CNTNAP4: variants seen among roughly 807,000 people sequenced by gnomAD.
The protein encoded by CNTNAP4 is contactin-associated protein-like 4.
In CNTNAP4, 98 loss-of-function variants were observed where a neutral mutation model predicts 148.4. The ratio of observed to expected loss-of-function variants is 0.66; its 90% CI spans 0.56 to 0.78. The LOEUF is 0.78. CNTNAP4 is among the 30% of genes least tolerant of loss of function. CNTNAP4 has a pLI of 0.00. For synonymous variants in CNTNAP4, 730 were observed against 565.1 expected, an observed-to-expected ratio of 1.29 and a Z score of -4.14; for missense variants, 1,935 against 1,565.6, an observed-to-expected ratio of 1.24 and a Z score of -3.98.
chr16:76,363,745 A>T (rs2144567722), intron 3 of CNTNAP4, among the ~76,000 whole-genome samples: 1 of 152,294 alleles, frequency 6.6e-6, no homozygotes, highest in African/African-American at 2.4e-5. Flanking sequence ...TCTGATAGGG[A>T]GTTAGTATTA....
At chr16:76,370,123 C>A (rs1326299064) in intron 3 of CNTNAP4, among the ~76,000 whole-genome samples, 1 of 152,054 alleles carries the variant, frequency 6.6e-6, no homozygotes, top group Non-Finnish European at 1.5e-5. Context: ...ACTTGTTATA[C>A]GATAATATCT....
intron 1 of CNTNAP4, among the ~76,000 whole-genome samples, chr16:76,293,483 C>G (rs761419333): frequency 1.3e-5 from 2 of 152,052 alleles, no homozygotes; most frequent in Non-Finnish European, 2.9e-5. Context: ...TAGTTTTCTT[C>G]CTATCTACCT....
At chr16:76,465,890 T>A (rs2081161732) in intron 9 of CNTNAP4, among the ~76,000 whole-genome samples, 1 of 152,228 alleles carries the variant, frequency 6.6e-6, no homozygotes. Flanking sequence ...AATGCTGTCC[T>A]TTACTTGCCA....
chr16:76,344,108 C>T (rs1964712476), intron 2 of CNTNAP4, among the ~76,000 whole-genome samples: 1 of 152,126 alleles, frequency 6.6e-6, no homozygotes, highest in South Asian at 2.1e-4. Context: ...TTGCATACCA[C>T]CCTATCAGTC....
intron 4 of CNTNAP4, among the ~76,000 whole-genome samples, chr16:76,446,076 T>C (rs572984462): frequency 2.5e-5 from 1 of 40,264 alleles, no homozygotes; most frequent in East Asian, 7.4e-4. Flanking sequence ...ATAAGCACAT[T>C]AGCAAAATGT....
At chr16:76,484,982 T>G (rs186733092) in intron 12 of CNTNAP4, among the ~76,000 whole-genome samples, 1 of 152,356 alleles carries the variant, frequency 6.6e-6, no homozygotes, top group Admixed American at 6.5e-5. Context: ...AAAATCTCTA[T>G]TTTGAATGGA....
rs1237144169 is a variant in CNTNAP4 at position 76,559,378 on chromosome 16, G to A, written c.*695G>A. On this transcript the variant is annotated 3_prime_UTR_variant, in exon 24 of 24. Coordinates refer to ENST00000611870, the MANE Select transcript of CNTNAP4 (RefSeq NM_033401.5). ...TTTAACAAGACTCAGAAAGTGCAGT[G>A]GTTGTTAGTATGTAATGTCTTTCCT... is the stretch of plus-strand genomic sequence containing the variant. 6.6e-6 allele frequency: 1 copy of A among 151,808 alleles called. No individual in the cohort carries two copies. The highest frequency in any genetic ancestry group is 2.4e-5 in the African/African-American group (1 of 41,376). The allele number at this position is 151,808 out of a possible 1,614,324, so 9.4% of individuals were successfully genotyped here.
chr16:76,367,780 C>T (rs149747345), intron 3 of CNTNAP4, among the ~76,000 whole-genome samples: 120 of 152,238 alleles, frequency 7.9e-4, no homozygotes, highest in African/African-American at 2.3e-3. Flanking sequence ...TAGTGGGTGT[C>T]GCCACCACAC....
chr16:76,299,078 A>G (rs1959647787), intron 1 of CNTNAP4, among the ~76,000 whole-genome samples: 1 of 152,220 alleles, frequency 6.6e-6, no homozygotes, highest in Admixed American at 6.5e-5. Flanking sequence ...TATTCAGGAC[A>G]TAGGCATGGG....
At chr16:76,475,498 C>A (rs1052136093) in intron 10 of CNTNAP4, among the ~76,000 whole-genome samples, 3 of 152,208 alleles carry the variant, frequency 2.0e-5, no homozygotes, top group Non-Finnish European at 2.9e-5. Flanking sequence ...TATTCTCCTA[C>A]ATTCCTAGAA....
rs2082353862 is a variant in CNTNAP4 at position 76,495,032 on chromosome 16, T to C, written c.2203T>C (p.Tyr735His). The C allele has an allele frequency of 6.2e-7, 1 of 1,613,492 alleles. No individual in the cohort carries two copies. Residue 735 changes from tyrosine to histidine, a missense_variant, in exon 14 of 24, where the codon TAT becomes CAT. Transcript: ENST00000611870. ...AGAGGGAAACTGCATTGATTCTCAG[T>C]ATTACTGCAATTGTGATGCTGACCG... Reference protein sequence around the residue: ...GLEGNCIDSQYYCNCDADRNE... With the variant: ...GLEGNCIDSQHYCNCDADRNE...
At chr16:76,337,893 C>T in intron 2 of CNTNAP4, among the ~76,000 whole-genome samples, 1 of 152,156 alleles carries the variant, frequency 6.6e-6, no homozygotes, top group Non-Finnish European at 1.5e-5. Context: ...TCTGCCTGAC[C>T]CCGCAGGCAG....
At chr16:76,294,178 T>G (rs946173538) in intron 1 of CNTNAP4, among the ~76,000 whole-genome samples, 1 of 152,162 alleles carries the variant, frequency 6.6e-6, no homozygotes, top group African/African-American at 2.4e-5. Flanking sequence ...CGATGATAAA[T>G]GTGTCGCAAT....
At chr16:76,417,666 T>G (rs1172699988) in intron 3 of CNTNAP4, among the ~76,000 whole-genome samples, 1 of 151,654 alleles carries the variant, frequency 6.6e-6, no homozygotes, top group Non-Finnish European at 1.5e-5. Context: ...ATAAATGATC[T>G]TACTTCTTTT....
chr16:76,404,081 TTAAC>T (rs2144863935), intron 3 of CNTNAP4, among the ~76,000 whole-genome samples: 1 of 151,704 alleles, frequency 6.6e-6, no homozygotes, highest in East Asian at 2.0e-4. Context: ...AGCAGAAAAA[TTAAC>T]TATTGGGTAC....
At chr16:76,464,749 C>G (rs1452627160) in intron 9 of CNTNAP4, among the ~76,000 whole-genome samples, 1 of 152,198 alleles carries the variant, frequency 6.6e-6, no homozygotes, top group Admixed American at 6.5e-5. Flanking sequence ...GAACTAGCAG[C>G]ACTGTGTATA....
chr16:76,373,897 C>CAAAAAAAAAAA (rs71382634), intron 3 of CNTNAP4, among the ~76,000 whole-genome samples: 1 of 112,076 alleles, frequency 8.9e-6, no homozygotes, highest in Admixed American at 9.6e-5. Flanking sequence ...CTCCATCTCA[C>CAAAAAAAAAAA]AAAAAAAAAA....
chr16:76,406,839 G>C lies in CNTNAP4; in HGVS notation c.391-20613G>C, dbSNP rs367939255. On this transcript the variant is annotated intron_variant, in intron 3 of 23. Coordinates refer to ENST00000611870, the MANE Select transcript of CNTNAP4 (RefSeq NM_033401.5). ...GGTTGGTTCATGAGGTTCAAGAAAA[G>C]AGGCTGTCTCCATAACATAGAAGTA... Among the ~76,000 whole-genome samples the C allele has an allele frequency of 1.1e-3, 169 of 152,280 alleles. 3 individuals carry two copies. In the South Asian group the frequency reaches 0.021, roughly 19 times the overall value.
In CNTNAP4 at chr16:76,316,524, G is replaced by T; in HGVS notation, c.196+1G>T. The T allele has an allele frequency of 1.2e-6, 2 of 1,600,292 alleles. No individual in the cohort carries two copies. The highest frequency in any genetic ancestry group is 8.6e-7 in the Non-Finnish European group (1 of 1,167,540). On this transcript the variant is annotated splice_donor_variant, in intron 2 of 23. Transcript: ENST00000611870. LOFTEE classifies it high-confidence loss of function. ...TTTGCAAGGCTGAATAGAAGAGATGGTAAGTCTGCTTTTCTCCTCTGACTG... is the reference window on the plus strand; with the variant it reads ...TTTGCAAGGCTGAATAGAAGAGATGTTAAGTCTGCTTTTCTCCTCTGACTG...
Sources: allele counts gnomAD v4.1 joint callset (sites outside exome capture counted in the v4.1 genomes callset), GRCh38; gene constraint gnomAD v4.1.1; transcripts MANE v1.5; gene names NCBI Gene and HGNC (gene_info 2026-07-23, HGNC 2026-07-21).